Variants in C13orf42 observed in about 807,000 individuals in gnomAD.
C13orf42 encodes uncharacterized protein C13orf42.
At chr13:51,104,157 C>T (rs936727754) in intron 1 of C13orf42, among the ~76,000 whole-genome samples, 2 of 152,102 alleles carry the variant, frequency 1.3e-5, no homozygotes, top group African/African-American at 4.8e-5. Flanking sequence ...TTAAGGAATT[C>T]GTATTCTAGG....
At chr13:51,087,754 T>C (rs1373383741) in intron 2 of C13orf42, among the ~76,000 whole-genome samples, 174 bp downstream of exon 2, 1 of 152,196 alleles carries the variant, frequency 6.6e-6, no homozygotes, top group Non-Finnish European at 1.5e-5. Flanking sequence ...CCACAGAGGA[T>C]GGGCTCAGGG....
chr13:51,102,998 C>T (rs1008360749), intron 1 of C13orf42, among the ~76,000 whole-genome samples: 1 of 152,196 alleles, frequency 6.6e-6, no homozygotes, highest in African/African-American at 2.4e-5. Context: ...CACCTCCCTC[C>T]CTTGACACGT....
intron 1 of C13orf42, among the ~76,000 whole-genome samples, chr13:51,169,799 T>G (rs1391402830): frequency 6.6e-6 from 1 of 152,228 alleles, no homozygotes; most frequent in East Asian, 1.9e-4. Flanking sequence ...TGGAAGCCTC[T>G]GCCTAGATTT....
intron 1 of C13orf42, among the ~76,000 whole-genome samples, chr13:51,140,059 C>T (rs568289545): frequency 6.6e-6 from 1 of 152,328 alleles, no homozygotes; most frequent in South Asian, 2.1e-4. Flanking sequence ...CTGCTTAGGG[C>T]AAACTTGCCT....
chr13:51,114,385 A>G (rs1474410426), upstream of C13orf42, among the ~76,000 whole-genome samples: 1 of 152,124 alleles, frequency 6.6e-6, no homozygotes, highest in Non-Finnish European at 1.5e-5. Context: ...ACATCTTCTC[A>G]TTCCTCCCTG....
At chr13:51,120,050 G>T (rs113358283) in intron 1 of C13orf42, among the ~76,000 whole-genome samples, 1 of 152,094 alleles carries the variant, frequency 6.6e-6, no homozygotes, top group Non-Finnish European at 1.5e-5. Flanking sequence ...TGAAGTCCGC[G>T]CTGATTTATA....
chr13:51,104,863 A>T (rs1953335180), intron 1 of C13orf42, among the ~76,000 whole-genome samples: 1 of 152,132 alleles, frequency 6.6e-6, no homozygotes, highest in Admixed American at 6.6e-5. Flanking sequence ...GGCTCGTCAT[A>T]GCAGGAGAAG....
At chr13:51,151,897 A>C (rs1593553751) in intron 1 of C13orf42, among the ~76,000 whole-genome samples, 1 of 152,188 alleles carries the variant, frequency 6.6e-6, no homozygotes, top group East Asian at 1.9e-4. Flanking sequence ...AGAAGGAAGC[A>C]GTTTTTTATT....
At chr13:51,149,276 G>A (rs1953760925) in intron 1 of C13orf42, among the ~76,000 whole-genome samples, 1 of 133,868 alleles carries the variant, frequency 7.5e-6, no homozygotes, top group South Asian at 2.5e-4. Flanking sequence ...AAAGCAGAGG[G>A]AAATCTTTTA....
chr13:51,160,302 C>G (rs1953854654), intron 1 of C13orf42, among the ~76,000 whole-genome samples: 1 of 152,170 alleles, frequency 6.6e-6, no homozygotes, highest in Admixed American at 6.5e-5. Flanking sequence ...CACCTGAGGT[C>G]AGGAGTTTGA....
At chr13:51,118,329 G>C (rs1953508123) in intron 1 of C13orf42, among the ~76,000 whole-genome samples, 1 of 152,182 alleles carries the variant, frequency 6.6e-6, no homozygotes, top group Non-Finnish European at 1.5e-5. Flanking sequence ...ACAGGGAACT[G>C]GTCTGACTGC....
intron 1 of C13orf42, among the ~76,000 whole-genome samples, chr13:51,094,291 T>A (rs1430399373): frequency 6.6e-6 from 1 of 152,222 alleles, no homozygotes; most frequent in Admixed American, 6.5e-5. Context: ...TACAGGGTTG[T>A]CATTACTTCT....
At chr13:51,171,516 C>T (rs961329969) in intron 1 of C13orf42, among the ~76,000 whole-genome samples, 8 of 152,082 alleles carry the variant, frequency 5.3e-5, no homozygotes, top group African/African-American at 1.9e-4. Flanking sequence ...TTTCTACAGA[C>T]CCATCTGACC....
Position 51,103,473 on chromosome 13 carries a change from C to T in C13orf42, c.414+7323G>A, listed in dbSNP as rs773894464. On this transcript the variant is annotated intron_variant, in intron 1 of 3. Transcript: ENST00000563710. The stretch of plus-strand genomic sequence containing the variant: ...ATCCCAGCACTTTGGGAGGCCGAGG[C>T]GGGTGGATCATGAGGCCAGGAGTTT... Among the ~76,000 whole-genome samples the T allele has an allele frequency of 5.9e-5, 9 of 152,022 alleles. No individual in the cohort carries two copies. The South Asian group carries it at 6.2e-4, about 11-fold the overall frequency.
upstream of C13orf42, among the ~76,000 whole-genome samples, chr13:51,111,425 A>G (rs1953432516): frequency 6.6e-6 from 1 of 152,132 alleles, no homozygotes; most frequent in Admixed American, 6.5e-5. Context: ...GAGGCCATAA[A>G]CAACCCGAAG....
At chr13:51,109,397 G>A (rs1206355391) in intron 1 of C13orf42, among the ~76,000 whole-genome samples, 1 of 152,128 alleles carries the variant, frequency 6.6e-6, no homozygotes, top group East Asian at 1.9e-4. Context: ...CTGGTCATCA[G>A]GAAAATGACT....
At chr13:51,167,915 T>C (rs1467763476) in intron 1 of C13orf42, among the ~76,000 whole-genome samples, 1 of 152,236 alleles carries the variant, frequency 6.6e-6, no homozygotes. Flanking sequence ...GAGCTCTGTA[T>C]GCTCAGAGAA....
At chr13:51,169,611 A>T (rs1228539110) in intron 1 of C13orf42, among the ~76,000 whole-genome samples, 1 of 152,208 alleles carries the variant, frequency 6.6e-6, no homozygotes, top group East Asian at 1.9e-4. Flanking sequence ...GGCCAGGACC[A>T]AGGTCCGGCC....
rs376447465 is a variant in C13orf42, at chr13:51,171,890, T to A, written n.136+363A>T. ...GGTCAAAAGGCCGTCTTATGCTCAATATACATTTTATTACCCAATCTGCTC... is the reference window on the plus strand; with the variant it reads ...GGTCAAAAGGCCGTCTTATGCTCAAAATACATTTTATTACCCAATCTGCTC... On this transcript the variant is annotated intron_variant and non_coding_transcript_variant, in intron 1 of 4. Coordinates refer to the C13orf42 transcript ENST00000433280. 2.2e-4 allele frequency: 33 copies of A among 152,234 alleles called. No homozygotes were observed. In the East Asian group the frequency reaches 6.2e-3, roughly 28 times the overall value. The allele number at this position is 152,234 out of a possible 1,614,324, so 9.4% of individuals were successfully genotyped here. A position where few individuals can be genotyped will look rare whatever the true frequency, so the allele number is the denominator to read the frequency against.
Sources: allele counts gnomAD v4.1 joint callset (sites outside exome capture counted in the v4.1 genomes callset), GRCh38; gene constraint gnomAD v4.1.1; transcripts MANE v1.5; gene names NCBI Gene and HGNC (gene_info 2026-07-23, HGNC 2026-07-21).